PIK3AP1: variants seen among roughly 807,000 people sequenced by gnomAD.
The protein encoded by PIK3AP1 is phosphoinositide 3-kinase adapter protein 1.
PIK3AP1 carries 21 observed loss-of-function variants against 88.1 expected under a neutral mutation model. The observed-to-expected ratio is 0.24, with a 90% CI of 0.17 to 0.34. The LOEUF (loss-of-function observed/expected upper bound fraction) is 0.34. Among genes scored for constraint, PIK3AP1 ranks in the 10% least tolerant of loss-of-function variants. The pLI is 1.00. For missense variants in PIK3AP1, 828 were observed against 1,035.7 expected (o/e 0.80, Z 2.75); for synonymous variants, 398 against 400.0 (o/e 1.00, Z 0.06).
chr10:96,709,837 A>G lies in PIK3AP1; in HGVS notation c.160T>C (p.Ser54Pro). ...AGGAAAAGGCTTAGGTCCTCTGCCG[A>G]GAAGGAGGCCTCGGGGCCCAGCCTG... The part of the protein sequence containing the change: ...THRLGPEASF[S>P]AEDLSLFLST... The change falls in exon 2 of 17, where the codon TCG (serine) becomes CCG (proline). Residue 54 changes from serine to proline, a missense_variant. This residue lies in a region of PIK3AP1 where 610 missense variants were observed against 760.1 expected (regional missense o/e 0.80). Coordinates refer to ENST00000339364, the MANE Select transcript of PIK3AP1 (RefSeq NM_152309.3). The G allele has an allele frequency of 6.2e-7, 1 of 1,613,992 alleles. No individual in the cohort carries two copies. The highest frequency in any genetic ancestry group is 8.5e-7 in the Non-Finnish European group (1 of 1,179,986).
At chr10:96,609,916 C>T (rs773249925) in intron 13 of PIK3AP1, 49 bp from the exon 14 acceptor site, 2 of 1,592,944 alleles carry the variant, frequency 1.3e-6, no homozygotes, top group South Asian at 1.1e-5. Context: ...CAGACTGTCA[C>T]CTGCCAAGCT....
chr10:96,638,122 G>A (rs998677090), intron 8 of PIK3AP1, among the ~76,000 whole-genome samples: 2 of 152,142 alleles, frequency 1.3e-5, no homozygotes, highest in Non-Finnish European at 2.9e-5. Flanking sequence ...TAGGAGCAGA[G>A]TGCCATGATT....
chr10:96,652,654 A>G lies in PIK3AP1; in HGVS notation c.712+44T>C, dbSNP rs548940460. 8 of 1,599,864 alleles carry G rather than the reference A, an allele frequency of 5.0e-6. No individual in the cohort carries two copies. In the South Asian group the frequency reaches 8.8e-5, roughly 18 times the overall value. On this transcript the variant is annotated intron_variant, in intron 4 of 16. Coordinates refer to ENST00000339364, the MANE Select transcript of PIK3AP1 (RefSeq NM_152309.3). ...GGCATTGGTGACAGCATAGCAAATA[A>G]GCAATGAAGCCCTATGTCATCACAT...
At chr10:96,621,228 C>G (rs1843075909) in intron 11 of PIK3AP1, 1 of 155,912 alleles carries the variant, frequency 6.4e-6, no homozygotes, top group East Asian at 1.9e-4. Flanking sequence ...CCCCCTGTAG[C>G]CTCTCTGTGC....
chr10:96,693,165 G>T (rs1316576134), intron 2 of PIK3AP1, among the ~76,000 whole-genome samples: 1 of 152,130 alleles, frequency 6.6e-6, no homozygotes, highest in African/African-American at 2.4e-5. Flanking sequence ...TTTCTCATCT[G>T]ACAGAATTTG....
intron 2 of PIK3AP1, among the ~76,000 whole-genome samples, chr10:96,657,790 C>G (rs1227491074): frequency 3.3e-5 from 5 of 152,028 alleles, no homozygotes; most frequent in African/African-American, 1.2e-4. Flanking sequence ...GTTGAGAGGG[C>G]TGGGCGTGGT....
At chr10:96,597,364 CT>C in intron 16 of PIK3AP1, among the ~76,000 whole-genome samples, 1 of 114,614 alleles carries the variant, frequency 8.7e-6, no homozygotes, top group Non-Finnish European at 1.7e-5. Flanking sequence ...CCCTCTCTCT[CT>C]CTCTCTCTCT....
At chr10:96,626,681 T>C (rs759496510) in intron 10 of PIK3AP1, 27 bp downstream of exon 10, 35 of 1,608,788 alleles carry the variant, frequency 2.2e-5, no homozygotes, top group Non-Finnish European at 2.6e-5. Context: ...AAAGACCCAG[T>C]TGGACATCAT....
chr10:96,633,089 A>G, intron 8 of PIK3AP1: 1 of 1,551,304 alleles, frequency 6.4e-7, no homozygotes, highest in Non-Finnish European at 8.7e-7. Context: ...TCTCATAGCA[A>G]CTCCAGAGGC....
intron 1 of PIK3AP1, among the ~76,000 whole-genome samples, chr10:96,710,324 C>T (rs1822995084): frequency 6.6e-6 from 1 of 152,104 alleles, no homozygotes; most frequent in Admixed American, 6.6e-5. Flanking sequence ...CGGGTTCAAG[C>T]GATTCTCCTG....
At chr10:96,689,620 A>G (rs1458515903) in intron 2 of PIK3AP1, among the ~76,000 whole-genome samples, 1 of 151,260 alleles carries the variant, frequency 6.6e-6, no homozygotes, top group Non-Finnish European at 1.5e-5. Flanking sequence ...TTAAAATCCA[A>G]TCCTTTCTTT....
chr10:96,710,071 A>C (rs1315243325), intron 1 of PIK3AP1, 88 bp from the exon 2 acceptor site: 3 of 1,335,346 alleles, frequency 2.2e-6, no homozygotes, highest in Admixed American at 2.3e-5. Context: ...GCATCCAGAC[A>C]CTGGGTCTGG....
At chr10:96,627,010 C>A in intron 9 of PIK3AP1, 105 bp from the exon 10 acceptor site, 1 of 1,087,370 alleles carries the variant, frequency 9.2e-7, no homozygotes, top group Non-Finnish European at 1.4e-6. Context: ...TCAGTGCTGC[C>A]CCCTGGCAAA....
intron 4 of PIK3AP1, among the ~76,000 whole-genome samples, chr10:96,651,996 C>G (rs1843545052): frequency 6.6e-6 from 1 of 152,022 alleles, no homozygotes; most frequent in Non-Finnish European, 1.5e-5. Flanking sequence ...CCAGTGGTCA[C>G]AGAAGGAGGG....
intron 10 of PIK3AP1, 69 bp from the exon 11 acceptor site, chr10:96,623,606 G>T: frequency 7.3e-7 from 1 of 1,368,258 alleles, no homozygotes; most frequent in Non-Finnish European, 1.0e-6. Context: ...TAATAATAAT[G>T]AATCCATACC....
chr10:96,676,668 T>C (rs1843925895), intron 2 of PIK3AP1, among the ~76,000 whole-genome samples: 1 of 151,750 alleles, frequency 6.6e-6, no homozygotes, highest in African/African-American at 2.4e-5. Context: ...TTTTTTTTTT[T>C]TTTTGAAAGA....
chr10:96,616,885 C>T (rs1467808666), intron 12 of PIK3AP1, among the ~76,000 whole-genome samples, 174 bp from the exon 13 acceptor site: 1 of 152,188 alleles, frequency 6.6e-6, no homozygotes. Context: ...AATCCAAATA[C>T]TCACAGAATC....
intron 2 of PIK3AP1, among the ~76,000 whole-genome samples, chr10:96,668,729 A>G (rs977103548): frequency 1.3e-5 from 2 of 152,224 alleles, no homozygotes; most frequent in Non-Finnish European, 2.9e-5. Flanking sequence ...AAGAAGATTC[A>G]AAGATTTCTT....
At chr10:96,687,857 C>G (rs1278585732) in intron 2 of PIK3AP1, among the ~76,000 whole-genome samples, 2 of 152,192 alleles carry the variant, frequency 1.3e-5, no homozygotes, top group Non-Finnish European at 2.9e-5. Flanking sequence ...GCACATGGAG[C>G]CTGCCCATCC....
Sources: allele counts gnomAD v4.1 joint callset (sites outside exome capture counted in the v4.1 genomes callset), GRCh38; gene constraint gnomAD v4.1.1; regional missense constraint gnomAD v4.1.1; transcripts MANE v1.5; gene names NCBI Gene and HGNC (gene_info 2026-07-23, HGNC 2026-07-21).